EYA1: variants seen among roughly 807,000 people sequenced by gnomAD.
EYA1 encodes the protein EYA transcriptional coactivator and phosphatase 1, also known as protein phosphatase EYA1.
In EYA1, 16 loss-of-function variants were observed where a neutral mutation model predicts 82.0. The observed-to-expected ratio is 0.20, with a 90% CI of 0.13 to 0.30. EYA1 has a LOEUF of 0.30. EYA1 is among the 10% of genes least tolerant of loss of function. EYA1 has a pLI of 1.00. For missense variants in EYA1, 633 were observed against 730.7 expected (o/e 0.87, Z 1.54); for synonymous variants, 261 against 264.4 (o/e 0.99, Z 0.12).
At chr8:71,434,815 A>G (rs966551812) in intron 2 of EYA1, among the ~76,000 whole-genome samples, 7 of 152,294 alleles carry the variant, frequency 4.6e-5, no homozygotes, top group East Asian at 1.9e-4. Flanking sequence ...TGTGTGTTCA[A>G]TTGAAAGCTA....
At position 71,216,950 on chromosome 8, in the gene EYA1, T is replaced by G. The variant is rs201229593; in HGVS notation, c.1199+15A>C. ...ATAAAAGGGAGATGGTCACTTCACATTCAAGGGTGCTCACCTTAGGTCCTG... is the reference window on the plus strand; with the variant it reads ...ATAAAAGGGAGATGGTCACTTCACAGTCAAGGGTGCTCACCTTAGGTCCTG... On this transcript the variant is annotated intron_variant, in intron 13 of 17. Transcript: ENST00000340726. The G allele has an allele frequency of 6.2e-7, 1 of 1,613,072 alleles. No individual in the cohort carries two copies. The highest frequency in any genetic ancestry group is 8.5e-7 in the Non-Finnish European group (1 of 1,179,026).
chr8:71,276,589 T>C (rs182537932), intron 9 of EYA1, among the ~76,000 whole-genome samples: 2 of 152,354 alleles, frequency 1.3e-5, no homozygotes, highest in East Asian at 3.9e-4. Flanking sequence ...CTGTGGTTTT[T>C]ACTCCTAAAA....
chr8:71,251,831 ATT>A (rs35376236), intron 11 of EYA1, among the ~76,000 whole-genome samples: 51,745 of 151,200 alleles, frequency 0.34, 10,228 homozygotes, highest in African/African-American at 0.55. Context: ...TTGTTTATTG[ATT>A]TTTTTTTTAA....
At chr8:71,262,193 AGT>A (rs1233578326) in intron 11 of EYA1, among the ~76,000 whole-genome samples, 16 of 152,242 alleles carry the variant, frequency 1.1e-4, no homozygotes, top group African/African-American at 3.9e-4. Flanking sequence ...TTGGATAATA[AGT>A]GTGAGATAGC....
chr8:71,335,439 T>A (rs934060819), intron 3 of EYA1, among the ~76,000 whole-genome samples: 2 of 152,152 alleles, frequency 1.3e-5, no homozygotes, highest in African/African-American at 2.4e-5. Flanking sequence ...AGTCACTTTT[T>A]AAAAAAATAA....
At chr8:71,317,520 G>C in intron 7 of EYA1, 32 bp downstream of exon 7, 3 of 1,611,964 alleles carry the variant, frequency 1.9e-6, no homozygotes, top group Non-Finnish European at 2.5e-6. Context: ...AACCTACAGG[G>C]TTAAGGAAAA....
intron 11 of EYA1, among the ~76,000 whole-genome samples, chr8:71,249,084 A>T (rs565844502): frequency 1.9e-4 from 29 of 152,358 alleles, no homozygotes; most frequent in Middle Eastern, 6.8e-3. Flanking sequence ...ACTTCAAAGT[A>T]ACATCTCATT....
At chr8:71,220,668 G>A (rs546042093) in intron 12 of EYA1, among the ~76,000 whole-genome samples, 1 of 152,202 alleles carries the variant, frequency 6.6e-6, no homozygotes, top group Admixed American at 6.5e-5. Context: ...AGTCACAAAC[G>A]AGAAAATATG....
intron 2 of EYA1, chr8:71,470,828 A>G (rs1809138103): frequency 2.2e-6 from 1 of 452,868 alleles, no homozygotes; most frequent in South Asian, 1.6e-5. Flanking sequence ...GAACCGTAGT[A>G]CTACATGATG....
intron 1 of EYA1, among the ~76,000 whole-genome samples, chr8:71,546,914 G>GCAT (rs1450498962): frequency 1.3e-5 from 2 of 152,132 alleles, no homozygotes; most frequent in Admixed American, 6.5e-5. Flanking sequence ...TACCTACCTA[G>GCAT]CATTAGTCGG....
intron 2 of EYA1, among the ~76,000 whole-genome samples, chr8:71,534,929 A>G (rs1439990577): frequency 2.0e-5 from 3 of 150,128 alleles, no homozygotes; most frequent in Non-Finnish European, 4.4e-5. Context: ...AAAGAATTCT[A>G]CTGTGAATAA....
intron 12 of EYA1, among the ~76,000 whole-genome samples, chr8:71,217,504 G>A (rs1019227401): frequency 2.0e-5 from 3 of 152,178 alleles, no homozygotes; most frequent in Admixed American, 6.5e-5. Flanking sequence ...GTGTGTTGAG[G>A]AGCCCAGACA....
At chr8:71,254,096 C>T (rs1418595628) in intron 11 of EYA1, among the ~76,000 whole-genome samples, 1 of 151,794 alleles carries the variant, frequency 6.6e-6, no homozygotes, top group Non-Finnish European at 1.5e-5. Context: ...CTTAGTCAAC[C>T]TCCTTAGAGC....
At chr8:71,471,502 A>G (rs1482066176) in intron 2 of EYA1, among the ~76,000 whole-genome samples, 2 of 152,068 alleles carry the variant, frequency 1.3e-5, no homozygotes, top group Non-Finnish European at 2.9e-5. Context: ...GGACATCTAT[A>G]TGTAGATGAT....
upstream of EYA1, among the ~76,000 whole-genome samples, chr8:71,366,213 A>G (rs1827744510): frequency 6.6e-6 from 1 of 152,166 alleles, no homozygotes; most frequent in Non-Finnish European, 1.5e-5. Flanking sequence ...TAATAGTGAT[A>G]GCAAGGGCAG....
At chr8:71,207,733 TTGCTGATTGGTTGTTGAGAAAACACAA>T (rs1807991054) in intron 17 of EYA1, among the ~76,000 whole-genome samples, 1 of 152,118 alleles carries the variant, frequency 6.6e-6, no homozygotes, top group South Asian at 2.1e-4. Context: ...TATTCTGTAA[TTGCTGATTGGTTGTTGAGAAAACACAA>T]ATATCAGAGT....
At chr8:71,470,172 AGTCTTCC>A (rs1275402869) in intron 2 of EYA1, among the ~76,000 whole-genome samples, 2 of 152,040 alleles carry the variant, frequency 1.3e-5, no homozygotes, top group Admixed American at 6.6e-5. Flanking sequence ...AACCTATGAG[AGTCTTCC>A]TGAAGATGGC....
chr8:71,277,589 T>C (rs1817351327), intron 9 of EYA1, among the ~76,000 whole-genome samples: 1 of 152,222 alleles, frequency 6.6e-6, no homozygotes, highest in Non-Finnish European at 1.5e-5. Context: ...CTTATCTCTA[T>C]TATAGGATTA....
At chr8:71,335,166 G>T (rs546165506) in intron 3 of EYA1, among the ~76,000 whole-genome samples, 1 of 152,254 alleles carries the variant, frequency 6.6e-6, no homozygotes, top group South Asian at 2.1e-4. Context: ...AATATTTTAA[G>T]GGATACCTAA....
Sources: allele counts gnomAD v4.1 joint callset (sites outside exome capture counted in the v4.1 genomes callset), GRCh38; gene constraint gnomAD v4.1.1; transcripts MANE v1.5; gene names NCBI Gene and HGNC (gene_info 2026-07-23, HGNC 2026-07-21).